The following NHSL1 variants were observed in gnomAD, a reference collection of about 807,000 sequenced individuals.
NHSL1 encodes NHS like 1.
In NHSL1, 48 loss-of-function variants were observed where a neutral mutation model predicts 95.0. That is an observed-to-expected ratio of 0.51 (90% CI 0.40 to 0.64). NHSL1 has a LOEUF of 0.64. Among genes scored for constraint, NHSL1 ranks in the 30% least tolerant of loss-of-function variants. The probability of loss-of-function intolerance (pLI) is 0.00; values close to 1 mark genes in which losing one functional copy is unlikely to be tolerated. For missense variants in NHSL1, 1,971 were observed against 2,077.7 expected (o/e 0.95, Z 1.00); for synonymous variants, 783 against 833.9 (o/e 0.94, Z 1.05).
rs1157342436 is a variant in NHSL1 at position 138,464,715 on chromosome 6, CT to C, written c.339+8590del. Among the ~76,000 whole-genome samples, 719 of 118,912 alleles carry C rather than the reference CT, an allele frequency of 6.0e-3. 2 individuals carry two copies. Among genetic ancestry groups the C allele is most frequent in the Admixed American group, 0.012 (123 of 10,026 alleles). 78.0% of individuals were successfully genotyped at this position (118,912 alleles called of 152,430 possible). A position where few individuals can be genotyped will look rare whatever the true frequency, so the allele number is the denominator to read the frequency against. ...TTCTCTTCACTTTTTTTTTTCTTTTCTTTTTTTTTTTTTTTGAGACAGAGTC... is the reference window on the plus strand; with the variant it reads ...TTCTCTTCACTTTTTTTTTTCTTTTCTTTTTTTTTTTTTTGAGACAGAGTC... On this transcript the variant is annotated intron_variant, in intron 3 of 7. Coordinates refer to ENST00000343505, the MANE Select transcript of NHSL1 (RefSeq NM_001144060.2).
intron 1 of NHSL1, among the ~76,000 whole-genome samples, chr6:138,564,605 A>C (rs1161260829): frequency 6.6e-6 from 1 of 152,048 alleles, no homozygotes. Flanking sequence ...AGATGTGTTA[A>C]GTTTACCCAT....
Position 138,432,464 on chromosome 6 carries a change from A to C in NHSL1, c.1881T>G (p.Asp627Glu), listed in dbSNP as rs918360029. The C allele has an allele frequency of 6.4e-7, 1 of 1,552,358 alleles. No homozygotes were observed. The highest frequency in any genetic ancestry group is 2.0e-5 in the Admixed American group (1 of 51,008). ...CGCTGTGCCTGGGGTTCCCAAAGCC[A>C]TCACTGCTATTGCACAGATTCCCAG... ...HGSGNLCNSS[D>E]GFGNPRHSVI... is the part of the protein sequence containing the mutation. Residue 627 changes from aspartate (D) to glutamate (E), a missense_variant, in exon 6 of 8, where the codon GAT becomes GAG. Asp to Glu is a conservative substitution (Grantham distance 45). Transcript: ENST00000343505. The surrounding 1 kb of genome is among the most constrained non-coding windows in gnomAD (Gnocchi z 4.4).
intron 1 of NHSL1, among the ~76,000 whole-genome samples, chr6:138,552,432 T>C (rs545143463): frequency 5.3e-5 from 8 of 152,118 alleles, no homozygotes; most frequent in African/African-American, 9.6e-5. Flanking sequence ...AGGAGATATA[T>C]AGATATCTAT....
At chr6:138,571,631 T>A (rs977927753) in intron 1 of NHSL1, 10 of 1,345,234 alleles carry the variant, frequency 7.4e-6, no homozygotes, top group Admixed American at 2.4e-5. Flanking sequence ...GCAAAAATCA[T>A]GAAGGGGGAG....
Position 138,424,305 on chromosome 6 carries a change from C to T in NHSL1, c.4597G>A (p.Val1533Met), listed in dbSNP as rs372533982. The change falls in exon 8 of 8, where the codon GTG becomes ATG. Residue 1533 changes from valine (V) to methionine (M), a missense_variant. This residue lies in a region of NHSL1 where 223 missense variants were observed against 217.0 expected (regional missense o/e 1.03). Transcript: ENST00000343505. This position sits in a 1 kb window ranked among gnomAD's most constrained non-coding sequence, Gnocchi z 5.9. The stretch of plus-strand genomic sequence containing the variant: ...CGGGCTATGCTGTCCACAGGCTCCA[C>T]GGCTTCCCCTTCTCCCTCCGAGATG... ...TVISEGEGEA[V>M]EPVDSIARGA... 131 of 1,518,134 alleles carry T rather than the reference C, an allele frequency of 8.6e-5. 1 individual carries two copies. The South Asian group carries it at 1.5e-3, about 18-fold the overall frequency. The allele number at this position is 1,518,134 out of a possible 1,614,324, so 94.0% of individuals were successfully genotyped here.
chr6:138,430,705 C>G lies in NHSL1; in HGVS notation c.3640G>C (p.Val1214Leu). The G allele has an allele frequency of 1.3e-6, 2 of 1,551,784 alleles. No homozygotes were observed. Among genetic ancestry groups the G allele is most frequent in the Non-Finnish European group, 1.7e-6 (2 of 1,147,022 alleles). ...VVPPPQKDFAVEPAENVSEAL... is the reference protein window; with the variant it reads ...VVPPPQKDFALEPAENVSEAL... ...TCGCTCACGTTCTCTGCGGGCTCCA[C>G]TGCAAAATCTTTCTGCGGAGGTGGT... is the stretch of plus-strand genomic sequence containing the variant. Residue 1214 changes from valine to leucine, a missense_variant, in exon 6 of 8, where the codon GTG becomes CTG. Val to Leu is a conservative substitution (Grantham distance 32). Coordinates refer to ENST00000343505, the MANE Select transcript of NHSL1 (RefSeq NM_001144060.2). The surrounding 1 kb of genome is among the most constrained non-coding windows in gnomAD (Gnocchi z 4.7).
At chr6:138,629,640 C>A (rs1784790422) in intron 1 of NHSL1, among the ~76,000 whole-genome samples, 2 of 152,222 alleles carry the variant, frequency 1.3e-5, no homozygotes, top group Non-Finnish European at 2.9e-5. Context: ...ACCTTGGCCT[C>A]CCAAAGTGTT....
chr6:138,432,939 C>A lies in NHSL1; in HGVS notation c.1406G>T (p.Arg469Leu). The A allele has an allele frequency of 6.4e-7, 1 of 1,551,280 alleles. No homozygotes were observed. Among genetic ancestry groups the A allele is most frequent in the Non-Finnish European group, 8.7e-7 (1 of 1,146,678 alleles). The change falls in exon 6 of 8, where the codon CGC becomes CTC. Residue 469 changes from arginine (R) to leucine (L), a missense_variant. Coordinates refer to ENST00000343505, the MANE Select transcript of NHSL1 (RefSeq NM_001144060.2). This position sits in a 1 kb window ranked among gnomAD's most constrained non-coding sequence, Gnocchi z 4.4. Reference sequence around the variant, plus strand: ...GGTGGCATGGCCCTCATTCCAGTGGCGACCGGGAGACTGAGGATCACCTTT... The same window carrying A: ...GGTGGCATGGCCCTCATTCCAGTGGAGACCGGGAGACTGAGGATCACCTTT... ...AVKGDPQSPG[R>L]HWNEGHATIL... is the part of the protein sequence containing the mutation.
chr6:138,552,037 A>G (rs903268689), intron 1 of NHSL1, among the ~76,000 whole-genome samples: 1 of 152,178 alleles, frequency 6.6e-6, no homozygotes. Context: ...GAGGCTCTTC[A>G]ATGGCCTCTG....
intron 1 of NHSL1, among the ~76,000 whole-genome samples, chr6:138,522,598 G>C (rs1255488274): frequency 2.0e-5 from 3 of 152,142 alleles, no homozygotes; most frequent in Non-Finnish European, 4.4e-5. Flanking sequence ...CCGAGATCAC[G>C]CCATTACACT....
At chr6:138,626,893 CAAAAAAA>C (rs71009593) in intron 1 of NHSL1, among the ~76,000 whole-genome samples, 12 of 7,770 alleles carry the variant, frequency 1.5e-3, no homozygotes, top group Non-Finnish European at 9.7e-4. Flanking sequence ...GACTCCGTCT[CAAAAAAA>C]AAAAAAAAAA....
intron 1 of NHSL1, among the ~76,000 whole-genome samples, chr6:138,578,592 T>C (rs1006162190): frequency 2.6e-5 from 4 of 152,174 alleles, no homozygotes; most frequent in African/African-American, 9.7e-5. Flanking sequence ...TCCAAATAAA[T>C]AACTTTTTTA....
intron 2 of NHSL1, among the ~76,000 whole-genome samples, chr6:138,481,348 G>C (rs1366242219): frequency 6.6e-6 from 1 of 152,264 alleles, no homozygotes; most frequent in South Asian, 2.1e-4. Flanking sequence ...CTGGAAAAGA[G>C]AAAGAAATCA....
chr6:138,681,822 A>T (rs1785515717), intron 1 of NHSL1, among the ~76,000 whole-genome samples: 1 of 152,174 alleles, frequency 6.6e-6, no homozygotes, highest in African/African-American at 2.4e-5. Context: ...TGTAATTTAA[A>T]TTAGCTAGTT....
At chr6:138,607,585 G>A (rs1784451596) in intron 1 of NHSL1, among the ~76,000 whole-genome samples, 1 of 152,144 alleles carries the variant, frequency 6.6e-6, no homozygotes, top group South Asian at 2.1e-4. Context: ...TTTTTCTTCA[G>A]CATACAAAAG....
upstream of NHSL1, among the ~76,000 whole-genome samples, chr6:138,504,047 C>T (rs564993031): frequency 2.2e-4 from 33 of 149,778 alleles, no homozygotes; most frequent in East Asian, 6.2e-3. Flanking sequence ...CCTAGGCAAC[C>T]CAGAGAGACC....
chr6:138,638,294 A>G (rs1361409288), intron 1 of NHSL1, among the ~76,000 whole-genome samples: 1 of 152,226 alleles, frequency 6.6e-6, no homozygotes, highest in African/African-American at 2.4e-5. Context: ...AGCACAACAG[A>G]GTGACTATAG....
chr6:138,594,913 T>C (rs1389040799), intron 1 of NHSL1, among the ~76,000 whole-genome samples: 1 of 152,200 alleles, frequency 6.6e-6, no homozygotes, highest in African/African-American at 2.4e-5. Flanking sequence ...CCTGCTGTGG[T>C]TAGCTGGCTG....
chr6:138,429,881 GACTGGAATTTCAGTCC>G, intron 6 of NHSL1, 38 bp from the exon 7 acceptor site: 1 of 1,530,934 alleles, frequency 6.5e-7, no homozygotes. Flanking sequence ...ACGCACAAGT[GACTGGAATTTCAGTCC>G]TCAGCCAAGC....
Sources: gnomAD v4.1 joint callset for allele counts (sites outside exome capture counted in the v4.1 genomes callset) on GRCh38, gnomAD v4.1.1 for gene constraint, gnomAD v4.1.1 regional missense constraint, Gnocchi (gnomAD v3.1) non-coding constraint, MANE v1.5 for transcripts, NCBI Gene and HGNC (gene_info 2026-07-23, HGNC 2026-07-21) for gene names.